SUN2: variants seen among roughly 807,000 people sequenced by gnomAD.
SUN2 encodes the protein Sad1 and UNC84 domain containing 2.
SUN2 carries 60 observed loss-of-function variants against 100.0 expected under a neutral mutation model. The ratio of observed to expected loss-of-function variants is 0.60; its 90% CI spans 0.49 to 0.74. The LOEUF (loss-of-function observed/expected upper bound fraction) is 0.74, where lower values mean the gene tolerates loss of function less well. SUN2 is among the 30% of genes least tolerant of loss of function. SUN2 has a pLI of 0.00. For missense variants in SUN2, 834 were observed against 954.6 expected (o/e 0.87, Z 1.66); for synonymous variants, 367 against 403.3 (o/e 0.91, Z 1.08).
At chr22:38,745,011 A>G (rs1376613678) in intron 8 of SUN2, 2 of 470,852 alleles carry the variant, frequency 4.2e-6, no homozygotes, top group East Asian at 6.9e-5. Context: ...GGTGAAGTCT[A>G]TTTCCCTCTC....
In SUN2 at chr22:38,748,503, A is replaced by T. The variant is rs989339218; in HGVS notation, c.685+210T>A. Among the ~76,000 whole-genome samples the T allele has an allele frequency of 3.3e-5, 5 of 152,180 alleles. No individual in the cohort carries two copies. The East Asian group carries it at 9.6e-4, about 29-fold the overall frequency. Reference sequence around the variant, plus strand: ...CCCGCTTTTCACCCAATGTTGCGGCACTAGGGTGTGCTCCTGCCCAGGGCG... The same window carrying T: ...CCCGCTTTTCACCCAATGTTGCGGCTCTAGGGTGTGCTCCTGCCCAGGGCG... On this transcript the variant is annotated intron_variant, in intron 7 of 17. Coordinates refer to ENST00000689035, the MANE Select transcript of SUN2 (RefSeq NM_015374.3).
chr22:38,739,112 G>A lies in SUN2; in HGVS notation c.1664-124C>T, dbSNP rs1258833532. 2.3e-5 allele frequency: 24 copies of A among 1,021,284 alleles called. No individual in the cohort carries two copies. The highest frequency in any genetic ancestry group is 3.3e-5 in the Non-Finnish European group (22 of 674,284). 63.3% of individuals were successfully genotyped at this position (1,021,284 alleles called of 1,614,324 possible). A position where few individuals can be genotyped will look rare whatever the true frequency, so the allele number is the denominator to read the frequency against. ...CCAGGCCTAGCCTTTAACCCTAACC[G>A]AGATGCTCAGAGCAGCTTTAAAGGT... is the stretch of plus-strand genomic sequence containing the variant. On this transcript the variant is annotated intron_variant, in intron 14 of 17. Transcript: ENST00000689035. The surrounding 1 kb of genome is among the most constrained non-coding windows in gnomAD (Gnocchi z 6.7).
Position 38,738,028 on chromosome 22 carries a change from T to G in SUN2, c.2040+145A>C. ...CTGCAGGATGCGTGTTACACCCCAT[T>G]TGGATATCACATCTTGAGCTGTGGG... On this transcript the variant is annotated intron_variant, in intron 17 of 17. Coordinates refer to ENST00000689035, the MANE Select transcript of SUN2 (RefSeq NM_015374.3). The surrounding 1 kb of genome is among the most constrained non-coding windows in gnomAD (Gnocchi z 6.6). The G allele has an allele frequency of 1.3e-6, 1 of 775,876 alleles. No individual in the cohort carries two copies. 48.1% of individuals were successfully genotyped at this position (775,876 alleles called of 1,614,324 possible).
Position 38,751,193 on chromosome 22 carries a change from G to A in SUN2, c.286+17C>T. ...GCCGAGGAAGCAAAGCCCCGGGACG[G>A]AGGGCTCCACACTCACCCCAGTTGG... On this transcript the variant is annotated intron_variant, in intron 3 of 17. Transcript: ENST00000689035. 1.2e-6 allele frequency: 2 copies of A among 1,606,682 alleles called. No individual in the cohort carries two copies. The highest frequency in any genetic ancestry group is 2.2e-5 in the South Asian group (2 of 90,952).
rs372204449 is a variant in SUN2 at position 38,752,632 on chromosome 22, G to A, written c.-4C>T. The A allele has an allele frequency of 2.4e-5, 39 of 1,613,364 alleles. 1 individual carries two copies. The Middle Eastern group carries it at 6.6e-4, about 27-fold the overall frequency. ...GGCGCTGGCTTCTTCGGGACATGAT[G>A]AGGTGGGATGTGGACTCTTCCCCTG... On this transcript the variant is annotated 5_prime_UTR_variant, in exon 2 of 18. Coordinates refer to ENST00000689035, the MANE Select transcript of SUN2 (RefSeq NM_015374.3).
intron 5 of SUN2, 67 bp from the exon 6 acceptor site, chr22:38,749,926 C>G (rs968800231): frequency 2.2e-5 from 32 of 1,480,444 alleles, no homozygotes; most frequent in Non-Finnish European, 2.8e-5. Context: ...TTTGTCCCGT[C>G]TGCCGTCCTC....
intron 10 of SUN2, 42 bp downstream of exon 10, chr22:38,741,452 C>G (rs755792939): frequency 4.4e-6 from 7 of 1,596,090 alleles, no homozygotes; most frequent in African/African-American, 1.3e-5. Context: ...TGGATGGGGT[C>G]AGGACCCAGT....
intron 1 of SUN2, among the ~76,000 whole-genome samples, chr22:38,753,316 T>C (rs926953859): frequency 6.8e-6 from 1 of 147,448 alleles, no homozygotes; most frequent in East Asian, 2.1e-4. Context: ...CCCAGGTTCA[T>C]GCGATTCTCC....
rs537062653 is a variant in SUN2, at chr22:38,742,484, G to A, written c.885C>T (p.Ser295=). ...RRLEALAAEF[S]SNWQKEAMRL... ...GCATGGCCTCCTTCTGCCAGTTGGA[G>A]GAAAATTCAGCAGCAAGAGCTTCCA... The change falls in exon 9 of 18, where the codon TCC becomes TCT. Residue 295 remains serine (S), a synonymous_variant. Coordinates refer to ENST00000689035, the MANE Select transcript of SUN2 (RefSeq NM_015374.3). The A allele has an allele frequency of 1.1e-5, 17 of 1,613,612 alleles. 1 individual carries two copies. In the African/African-American group the frequency reaches 1.6e-4, roughly 15 times the overall value.
chr22:38,755,235 T>G lies in SUN2; in HGVS notation c.-38+528A>C. On this transcript the variant is annotated intron_variant, in intron 1 of 17. Transcript: ENST00000689035. This position sits in a 1 kb window ranked among gnomAD's most constrained non-coding sequence, Gnocchi z 5.7. Reference sequence around the variant, plus strand: ...CTTGTGGGACCTGCCAAACGCCCGGTGCTAACTCCCTCTGCCCTCATTCCC... The same window carrying G: ...CTTGTGGGACCTGCCAAACGCCCGGGGCTAACTCCCTCTGCCCTCATTCCC... 1 of 1,180,872 alleles carries G rather than the reference T, an allele frequency of 8.5e-7. No homozygotes were observed. Among genetic ancestry groups the G allele is most frequent in the Non-Finnish European group, 1.1e-6 (1 of 938,636 alleles). The allele number at this position is 1,180,872 out of a possible 1,614,324, so 73.1% of individuals were successfully genotyped here.
rs916626269 is a variant in SUN2, at chr22:38,755,432, C to A, written c.-38+331G>T. 1.0e-6 allele frequency: 1 copy of A among 995,612 alleles called. No individual in the cohort carries two copies. Among genetic ancestry groups the A allele is most frequent in the African/African-American group, 1.7e-5 (1 of 57,352 alleles). 61.7% of individuals were successfully genotyped at this position (995,612 alleles called of 1,614,324 possible). Reference sequence around the variant, plus strand: ...GCTGGGAACTGCCTGTCCCTGGAAACGGCCTGTCTGGCACAAAACCCGTAG... The same window carrying A: ...GCTGGGAACTGCCTGTCCCTGGAAAAGGCCTGTCTGGCACAAAACCCGTAG... On this transcript the variant is annotated intron_variant, in intron 1 of 17. Transcript: ENST00000689035. The surrounding 1 kb of genome is among the most constrained non-coding windows in gnomAD (Gnocchi z 5.7).
chr22:38,740,350 G>A lies in SUN2; in HGVS notation c.1273C>T (p.Leu425=). The change falls in exon 12 of 18, where the codon CTG becomes TTG. Residue 425 remains leucine (L), a synonymous_variant. Coordinates refer to ENST00000689035, the MANE Select transcript of SUN2 (RefSeq NM_015374.3). This position sits in a 1 kb window ranked among gnomAD's most constrained non-coding sequence, Gnocchi z 4.8. ...CTCTGCTTCAGTGCCAGAGCCGCCA[G>A]CTCCTGCTGCAGGCCGGCCAGCTGG... ...EDQLAGLQQE[L]AALALKQSSV... The A allele has an allele frequency of 1.9e-6, 3 of 1,585,834 alleles. No individual in the cohort carries two copies.
At position 38,741,054 on chromosome 22, in the gene SUN2, T is replaced by C. The variant is rs532684516; in HGVS notation, c.1147-4A>G. The C allele has an allele frequency of 1.3e-6, 2 of 1,595,772 alleles. No individual in the cohort carries two copies. The highest frequency in any genetic ancestry group is 2.7e-5 in the African/African-American group (2 of 74,746). ...GCTGGATGCGAGCCTCGGACTCCTGTGTAGGAAGAAGGGACAAATACAAGA... is the reference window on the plus strand; with the variant it reads ...GCTGGATGCGAGCCTCGGACTCCTGCGTAGGAAGAAGGGACAAATACAAGA... On this transcript the variant is annotated splice_region_variant and splice_polypyrimidine_tract_variant and intron_variant, in intron 10 of 17. Coordinates refer to ENST00000689035, the MANE Select transcript of SUN2 (RefSeq NM_015374.3).
Position 38,740,357 on chromosome 22 carries a change from C to T in SUN2, c.1266G>A (p.Gln422=). The change falls in exon 12 of 18, where the codon CAG becomes CAA. Residue 422 remains glutamine (Q), a synonymous_variant. Transcript: ENST00000689035. The surrounding 1 kb of genome is among the most constrained non-coding windows in gnomAD (Gnocchi z 4.8). The part of the protein sequence containing the change: ...RRLEDQLAGL[Q]QELAALALKQ... ...TCAGTGCCAGAGCCGCCAGCTCCTG[C>T]TGCAGGCCGGCCAGCTGGTCCTCCA... 6.3e-7 allele frequency: 1 copy of T among 1,582,290 alleles called. No individual in the cohort carries two copies. The highest frequency in any genetic ancestry group is 8.6e-7 in the Non-Finnish European group (1 of 1,164,352).
In SUN2 at chr22:38,741,061, A is replaced by G. The variant is rs773590546; in HGVS notation, c.1147-11T>C. The G allele has an allele frequency of 8.8e-6, 14 of 1,593,626 alleles. No individual in the cohort carries two copies. The highest frequency in any genetic ancestry group is 2.7e-5 in the African/African-American group (2 of 74,594). ...GCGAGCCTCGGACTCCTGTGTAGGA[A>G]GAAGGGACAAATACAAGAAATACTC... On this transcript the variant is annotated splice_polypyrimidine_tract_variant and intron_variant, in intron 10 of 17. Transcript: ENST00000689035.
intron 1 of SUN2, among the ~76,000 whole-genome samples, chr22:38,753,914 G>C (rs1158086288): frequency 1.3e-5 from 2 of 152,210 alleles, no homozygotes; most frequent in Non-Finnish European, 1.5e-5. Flanking sequence ...GAAGATTCTA[G>C]TTGTGTGTCC....
intron 8 of SUN2, chr22:38,745,267 C>A: frequency 2.2e-6 from 1 of 460,004 alleles, no homozygotes; most frequent in Non-Finnish European, 4.5e-6. Context: ...CAGCCAACTG[C>A]AGACAGACAG....
intron 1 of SUN2, among the ~76,000 whole-genome samples, chr22:38,754,250 C>G (rs2092969082): frequency 6.6e-6 from 1 of 152,196 alleles, no homozygotes; most frequent in Non-Finnish European, 1.5e-5. Flanking sequence ...TCTGCTGGCC[C>G]GTACAACAAA....
At chr22:38,751,805 G>C (rs1223860932) in intron 2 of SUN2, among the ~76,000 whole-genome samples, 1 of 152,192 alleles carries the variant, frequency 6.6e-6, no homozygotes, top group Non-Finnish European at 1.5e-5. Context: ...AGCTGCTGAG[G>C]CCGGACAGGT....
Sources: allele counts gnomAD v4.1 joint callset (sites outside exome capture counted in the v4.1 genomes callset), GRCh38; gene constraint gnomAD v4.1.1; non-coding constraint Gnocchi (gnomAD v3.1); transcripts MANE v1.5; gene names NCBI Gene and HGNC (gene_info 2026-07-23, HGNC 2026-07-21).